FXYD6: variants seen among roughly 807,000 people sequenced by gnomAD.
FXYD6 encodes the protein FXYD domain containing ion transport regulator 6.
A neutral mutation model predicts 16.7 loss-of-function variants in FXYD6; 7 were observed. That is an observed-to-expected ratio of 0.42 (90% CI 0.24 to 0.79). FXYD6 has a LOEUF of 0.79. Ranked by LOEUF, FXYD6 falls within the 30% of genes least tolerant of loss-of-function variation. The probability of loss-of-function intolerance (pLI) is 0.28; values close to 1 mark genes in which losing one functional copy is unlikely to be tolerated. For missense variants in FXYD6, 111 were observed against 116.2 expected (o/e 0.95, Z 0.21); for synonymous variants, 49 against 43.0 (o/e 1.14, Z -0.54).
At chr11:117,876,173 C>T (rs2057259920) in intron 1 of FXYD6, among the ~76,000 whole-genome samples, 1 of 152,218 alleles carries the variant, frequency 6.6e-6, no homozygotes, top group African/African-American at 2.4e-5. Flanking sequence ...CACCCAGCCA[C>T]ACGCCCTCGT....
In FXYD6 at chr11:117,872,347, C is replaced by G. The variant is rs1021320905; in HGVS notation, c.-6+4245G>C. Among the ~76,000 whole-genome samples, 1 of 152,074 alleles carries G rather than the reference C, an allele frequency of 6.6e-6. No homozygotes were observed. Reference sequence around the variant, plus strand: ...CCTATGGAGGAAGAAAGTCGCAGGGCCTCCTGGTAGGATGTGGACATGAGG... The same window carrying G: ...CCTATGGAGGAAGAAAGTCGCAGGGGCTCCTGGTAGGATGTGGACATGAGG... On this transcript the variant is annotated intron_variant, in intron 1 of 7. Transcript: ENST00000526014. The surrounding 1 kb of genome is among the most constrained non-coding windows in gnomAD (Gnocchi z 4.9).
intron 7 of FXYD6, chr11:117,838,565 C>T (rs891850184): frequency 4.9e-6 from 2 of 409,688 alleles, no homozygotes; most frequent in African/African-American, 4.0e-5. Flanking sequence ...TGAGAAAGAA[C>T]TAGTTTGGGA....
chr11:117,840,269 G>T (rs776602355), intron 6 of FXYD6, 50 bp downstream of exon 6: 38 of 1,606,330 alleles, frequency 2.4e-5, no homozygotes, highest in Middle Eastern at 1.6e-4. Context: ...CCACAGAGGG[G>T]TCTCTCTGTT....
At chr11:117,867,036 C>T (rs1296418304) in intron 1 of FXYD6, among the ~76,000 whole-genome samples, 1 of 152,204 alleles carries the variant, frequency 6.6e-6, no homozygotes, top group Non-Finnish European at 1.5e-5. Context: ...CCAATCCTAA[C>T]AGTCATTTAT....
At chr11:117,861,288 A>C (rs112626974) in intron 1 of FXYD6, among the ~76,000 whole-genome samples, 21 of 152,198 alleles carry the variant, frequency 1.4e-4, no homozygotes, top group Admixed American at 4.6e-4. Context: ...ACATGGTAGG[A>C]AAGACCTCAG....
chr11:117,854,737 C>T (rs149483828), intron 1 of FXYD6, among the ~76,000 whole-genome samples: 442 of 152,236 alleles, frequency 2.9e-3, no homozygotes, highest in African/African-American at 9.5e-3. Flanking sequence ...GACATTCCAG[C>T]GGAACCTTAA....
At chr11:117,840,130 G>A (rs2056304318) in intron 6 of FXYD6, 189 bp downstream of exon 6, 4 of 707,338 alleles carry the variant, frequency 5.7e-6, no homozygotes, top group Admixed American at 2.5e-5. Context: ...GTAAATAGCA[G>A]GTGACACTAG....
At chr11:117,875,668 C>A (rs559015782) in intron 1 of FXYD6, among the ~76,000 whole-genome samples, 1 of 152,336 alleles carries the variant, frequency 6.6e-6, no homozygotes, top group South Asian at 2.1e-4. Context: ...AGCACGAAGC[C>A]ACAGAGACAA....
intron 1 of FXYD6, among the ~76,000 whole-genome samples, chr11:117,859,565 C>T (rs2056855445): frequency 6.6e-6 from 1 of 152,186 alleles, no homozygotes; most frequent in African/African-American, 2.4e-5. Context: ...GCTTTAAATG[C>T]TTATTCTCAC....
intron 1 of FXYD6, among the ~76,000 whole-genome samples, chr11:117,861,326 T>G (rs957227692): frequency 8.6e-5 from 13 of 151,028 alleles, no homozygotes; most frequent in Non-Finnish European, 1.8e-4. Context: ...GGAGGAGGAG[T>G]CTGTTGGGGG....
At chr11:117,845,523 C>G (rs1290305278) in intron 1 of FXYD6, among the ~76,000 whole-genome samples, 2 of 152,122 alleles carry the variant, frequency 1.3e-5, no homozygotes, top group Non-Finnish European at 2.9e-5. Context: ...TTCTGTGGTT[C>G]ACTGACTTAC....
In FXYD6 at chr11:117,841,822, GAC is replaced by G; in HGVS notation, c.139_140del (p.Val47ProfsTer28). The G allele has an allele frequency of 1.2e-6, 2 of 1,613,894 alleles. No individual in the cohort carries two copies. The highest frequency in any genetic ancestry group is 1.7e-6 in the Non-Finnish European group (2 of 1,179,982). ...TAAGGAGGATCCCAACCGAGAAGAGGACCACAGCGAACACCAGTCCCCCAATC... is the reference window on the plus strand; with the variant it reads ...TAAGGAGGATCCCAACCGAGAAGAGGCACAGCGAACACCAGTCCCCCAATC... ...LRIGGLVFAV[V>X]LFSVGILLIL... is the part of the protein sequence containing the mutation. On this transcript the variant is annotated frameshift_variant, in exon 4 of 8. Coordinates refer to ENST00000526014, the MANE Select transcript of FXYD6 (RefSeq NM_022003.4). LOFTEE classifies it high-confidence loss of function.
chr11:117,865,379 A>T (rs1215926570), intron 1 of FXYD6, among the ~76,000 whole-genome samples: 1 of 152,216 alleles, frequency 6.6e-6, no homozygotes, highest in Admixed American at 6.5e-5. Flanking sequence ...ACCCAAAAGA[A>T]TTGGAAATAG....
chr11:117,840,225 C>T (rs2056306279), intron 6 of FXYD6, 94 bp downstream of exon 6: 2 of 1,543,118 alleles, frequency 1.3e-6, no homozygotes, highest in East Asian at 2.2e-5. Context: ...GCATGTCTGG[C>T]TGGCCATGCA....
At chr11:117,869,929 C>T (rs1198322416) in intron 1 of FXYD6, among the ~76,000 whole-genome samples, 1 of 152,216 alleles carries the variant, frequency 6.6e-6, no homozygotes, top group Non-Finnish European at 1.5e-5. Context: ...CAATCACATC[C>T]CCTCATCCTT....
chr11:117,875,820 C>T (rs2057248210), intron 1 of FXYD6, among the ~76,000 whole-genome samples: 1 of 152,180 alleles, frequency 6.6e-6, no homozygotes, highest in Non-Finnish European at 1.5e-5. Flanking sequence ...CGGGTGCCTC[C>T]TCTACCAGCC....
Position 117,857,410 on chromosome 11 carries a change from AT to A in FXYD6, c.-5-14630del, listed in dbSNP as rs66790457. ...GTCAGATGTATTGGGAAAGAAGTGG[AT>A]TTTTTTTTTTTTTTTTGAGAAGGAG... On this transcript the variant is annotated intron_variant, in intron 1 of 7. Coordinates refer to ENST00000526014, the MANE Select transcript of FXYD6 (RefSeq NM_022003.4). 1.6e-3 allele frequency among the ~76,000 whole-genome samples: 218 copies of A among 138,416 alleles called. 1 individual carries two copies. Among genetic ancestry groups the A allele is most frequent in the African/African-American group, 5.2e-3 (192 of 36,838 alleles). The allele number at this position is 138,416 out of a possible 152,430, so 90.8% of individuals were successfully genotyped here.
chr11:117,876,498 C>T (rs1001528682), intron 1 of FXYD6, 94 bp downstream of exon 1: 4 of 152,480 alleles, frequency 2.6e-5, no homozygotes, highest in Non-Finnish European at 4.4e-5. Context: ...CACACAAAAC[C>T]CGGCGCTCCC....
intron 1 of FXYD6, among the ~76,000 whole-genome samples, chr11:117,873,589 C>T (rs1451762802): frequency 1.3e-5 from 2 of 152,206 alleles, no homozygotes; most frequent in Non-Finnish European, 2.9e-5. Flanking sequence ...GGGGCTGTGC[C>T]TTTCTTGACT....
Sources: allele counts gnomAD v4.1 joint callset (sites outside exome capture counted in the v4.1 genomes callset), GRCh38; gene constraint gnomAD v4.1.1; non-coding constraint Gnocchi (gnomAD v3.1); transcripts MANE v1.5; gene names NCBI Gene and HGNC (gene_info 2026-07-23, HGNC 2026-07-21).